Variants in TACC2 observed in about 807,000 individuals in gnomAD.
TACC2 encodes the protein transforming acidic coiled-coil containing protein 2.
Under a neutral mutation model 227.3 loss-of-function variants are expected in TACC2, and 137 were observed. The ratio of observed to expected loss-of-function variants is 0.60; its 90% confidence interval spans 0.52 to 0.69. The LOEUF is 0.69. Ranked by LOEUF, TACC2 falls within the 30% of genes least tolerant of loss-of-function variation. The probability of loss-of-function intolerance (pLI) is 0.00; values close to 1 mark genes in which losing one functional copy is unlikely to be tolerated. For synonymous variants in TACC2, 1,523 were observed against 1,487.5 expected (o/e 1.02, Z -0.55); for missense variants, 3,470 against 3,694.4 (o/e 0.94, Z 1.57).
At chr10:122,064,907 C>T (rs892530097) in intron 3 of TACC2, among the ~76,000 whole-genome samples, 1 of 152,134 alleles carries the variant, frequency 6.6e-6, no homozygotes, top group African/African-American at 2.4e-5. Flanking sequence ...TCATTTTCAT[C>T]ATACCAGATT....
At chr10:122,118,710 T>C (rs1345811440) in intron 5 of TACC2, among the ~76,000 whole-genome samples, 1 of 152,186 alleles carries the variant, frequency 6.6e-6, no homozygotes, top group Non-Finnish European at 1.5e-5. Flanking sequence ...TGACATTTTT[T>C]TAAACACCAA....
chr10:122,047,288 CAAAAAAAAAAAA>C (rs371181114), intron 2 of TACC2, among the ~76,000 whole-genome samples: 4 of 60,868 alleles, frequency 6.6e-5, no homozygotes, highest in South Asian at 1.0e-3. Context: ...GACTCCGTCT[CAAAAAAAAAAAA>C]AAAAAAAAAA....
At chr10:122,183,526 G>A (rs75610558) in intron 7 of TACC2, among the ~76,000 whole-genome samples, 2,453 of 152,274 alleles carry the variant, frequency 0.016, 47 homozygotes, top group African/African-American at 0.044. Flanking sequence ...GGGATGGCAT[G>A]GCATAGACAT....
chr10:122,032,680 C>G (rs1454533788), intron 2 of TACC2, among the ~76,000 whole-genome samples: 1 of 152,114 alleles, frequency 6.6e-6, no homozygotes, highest in Admixed American at 6.6e-5. Flanking sequence ...AAAACCATGG[C>G]CAGGCACGGT....
intron 7 of TACC2, among the ~76,000 whole-genome samples, chr10:122,174,353 C>T (rs989368238): frequency 2.6e-5 from 4 of 152,308 alleles, no homozygotes; most frequent in Admixed American, 6.5e-5. Context: ...TGGGCAATGG[C>T]ACTGGCTCAG....
At chr10:122,191,337 C>T (rs537208724) in intron 7 of TACC2, among the ~76,000 whole-genome samples, 95 of 152,152 alleles carry the variant, frequency 6.2e-4, no homozygotes, top group African/African-American at 2.1e-3. Context: ...CTCCTGTGCC[C>T]GACACATAAC....
chr10:122,002,419 T>C (rs1245610579), intron 1 of TACC2, among the ~76,000 whole-genome samples: 2 of 150,792 alleles, frequency 1.3e-5, no homozygotes, highest in African/African-American at 2.4e-5. Flanking sequence ...ATGAGTGATA[T>C]TGCTTTGTAG....
At chr10:122,124,946 A>G (rs948798866) in intron 5 of TACC2, among the ~76,000 whole-genome samples, 5 of 151,872 alleles carry the variant, frequency 3.3e-5, no homozygotes, top group Admixed American at 6.6e-5. Context: ...CAGCAAAACA[A>G]AAACAACCCC....
intron 7 of TACC2, among the ~76,000 whole-genome samples, chr10:122,185,523 C>T (rs1302664682): frequency 2.0e-5 from 3 of 152,148 alleles, no homozygotes; most frequent in Non-Finnish European, 4.4e-5. Context: ...TATCTATGTG[C>T]CTGCCTCCAA....
chr10:122,139,713 A>G (rs2090256611), intron 6 of TACC2, among the ~76,000 whole-genome samples: 1 of 152,140 alleles, frequency 6.6e-6, no homozygotes. Context: ...ATTTCGGAAG[A>G]AAAAAATCAA....
chr10:122,018,955 C>G (rs925651885), intron 1 of TACC2, among the ~76,000 whole-genome samples: 1 of 152,212 alleles, frequency 6.6e-6, no homozygotes, highest in Non-Finnish European at 1.5e-5. Flanking sequence ...TCATTTGTTT[C>G]CATGGAGTGG....
At chr10:122,219,785 C>T (rs570572674) in intron 11 of TACC2, among the ~76,000 whole-genome samples, 108 of 152,270 alleles carry the variant, frequency 7.1e-4, no homozygotes, top group African/African-American at 2.6e-3. Flanking sequence ...CACCTCTAAT[C>T]CCAGCACTTT....
At chr10:122,222,142 T>C (rs557838210) in intron 11 of TACC2, among the ~76,000 whole-genome samples, 50 of 152,320 alleles carry the variant, frequency 3.3e-4, no homozygotes, top group African/African-American at 1.2e-3. Context: ...TCACCCTTCC[T>C]GGCCTGCCAG....
intron 1 of TACC2, among the ~76,000 whole-genome samples, chr10:122,008,717 C>T (rs1369965607): frequency 6.6e-6 from 1 of 152,034 alleles, no homozygotes; most frequent in African/African-American, 2.4e-5. Flanking sequence ...GGATTACAGG[C>T]GCCAGCCACC....
intron 9 of TACC2, among the ~76,000 whole-genome samples, chr10:122,214,571 G>A (rs1055116799): frequency 6.6e-6 from 1 of 152,170 alleles, no homozygotes. Flanking sequence ...AGGGTGGAAA[G>A]AGCCCCCATT....
At chr10:122,010,771 G>C (rs1466485390) in intron 1 of TACC2, among the ~76,000 whole-genome samples, 2 of 152,226 alleles carry the variant, frequency 1.3e-5, no homozygotes, top group Admixed American at 6.5e-5. Context: ...AGGAAAGTGA[G>C]AGCCTCTGGG....
intron 3 of TACC2, among the ~76,000 whole-genome samples, chr10:122,070,246 T>A (rs1182505138): frequency 6.6e-6 from 1 of 152,186 alleles, no homozygotes; most frequent in Non-Finnish European, 1.5e-5. Context: ...ATTTCCACTA[T>A]GTTCCCTGTT....
rs921965466 is a variant in TACC2 at position 122,180,055 on chromosome 10, A to G, written c.5835-14985A>G. Reference sequence around the variant, plus strand: ...AGCCATGATTGCGCCACTGCACTCCAGCCTGGGCAACAGAGTGAGACGGTG... The same window carrying G: ...AGCCATGATTGCGCCACTGCACTCCGGCCTGGGCAACAGAGTGAGACGGTG... On this transcript the variant is annotated intron_variant, in intron 7 of 22. Coordinates refer to ENST00000369005, the MANE Select transcript of TACC2 (RefSeq NM_206862.4). The surrounding 1 kb of genome is among the most constrained non-coding windows in gnomAD (Gnocchi z 4.5). Among the ~76,000 whole-genome samples, 1 of 150,876 alleles carries G rather than the reference A, an allele frequency of 6.6e-6. No individual in the cohort carries two copies. The highest frequency in any genetic ancestry group is 2.4e-5 in the African/African-American group (1 of 41,010).
chr10:122,044,701 G>A (rs965360304), intron 2 of TACC2, among the ~76,000 whole-genome samples: 4 of 148,360 alleles, frequency 2.7e-5, no homozygotes, highest in African/African-American at 1.0e-4. Flanking sequence ...TTTTTTTTAT[G>A]GTGAAATGCT....
Sources: allele counts gnomAD v4.1 joint callset (sites outside exome capture counted in the v4.1 genomes callset), GRCh38; gene constraint gnomAD v4.1.1; non-coding constraint Gnocchi (gnomAD v3.1); transcripts MANE v1.5; gene names NCBI Gene and HGNC (gene_info 2026-07-23, HGNC 2026-07-21).